Variants in PHTF2 observed in about 807,000 individuals in gnomAD.
The protein encoded by PHTF2 is putative homeodomain transcription factor 2, also known as protein PHTF2.
In PHTF2, 60 loss-of-function variants were observed where a neutral mutation model predicts 101.2. The observed-to-expected ratio is 0.59, with a 90% CI of 0.48 to 0.73. PHTF2 has a LOEUF of 0.73. PHTF2 is among the 30% of genes least tolerant of loss of function. The probability of loss-of-function intolerance (pLI) is 0.00; values close to 1 mark genes in which losing one functional copy is unlikely to be tolerated. For synonymous variants in PHTF2, 311 were observed against 307.3 expected (o/e 1.01, Z -0.13); for missense variants, 747 against 908.7 (o/e 0.82, Z 2.29).
intron 3 of PHTF2, among the ~76,000 whole-genome samples, chr7:77,887,578 G>C (rs1032390208): frequency 1.3e-5 from 2 of 152,112 alleles, no homozygotes; most frequent in African/African-American, 4.8e-5. Flanking sequence ...TTCCAGGAAT[G>C]GTGATGGTCA....
chr7:77,920,350 A>G (rs1803331567), exon 10 of PHTF2: 2 of 1,610,034 alleles, frequency 1.2e-6, no homozygotes, highest in Admixed American at 1.7e-5. Context: ...CTTGATGGGA[A>G]GAAGACTGTT....
In PHTF2 at chr7:77,910,372, T is replaced by G. The variant is rs933956162; in HGVS notation, c.739T>G (p.Phe247Val). 6 of 1,613,566 alleles carry G rather than the reference T, an allele frequency of 3.7e-6. No individual in the cohort carries two copies. Among genetic ancestry groups the G allele is most frequent in the Non-Finnish European group, 5.1e-6 (6 of 1,179,772 alleles). The change falls in exon 9 of 20, where the codon TTC becomes GTC. Residue 247 changes from phenylalanine (F) to valine (V), a missense_variant. Phe to Val is a conservative substitution (Grantham distance 50, BLOSUM62 -1). This residue lies in a region of PHTF2 where 349 missense variants were observed against 369.7 expected (regional missense o/e 0.94). Coordinates refer to ENST00000416283, the Ensembl canonical transcript of PHTF2. ...CACCTCTCACAGCGTTGGCACTGTC[T>G]TCAGAGATCTCTGGCATGCTGCTTT...
At chr7:77,914,178 A>G (rs1802684770) in intron 9 of PHTF2, among the ~76,000 whole-genome samples, 1 of 152,088 alleles carries the variant, frequency 6.6e-6, no homozygotes, top group African/African-American at 2.4e-5. Context: ...CTAGTGGGGG[A>G]AAATCACATA....
At position 77,836,138 on chromosome 7, in the gene PHTF2, AG is replaced by A. The variant is rs1161383048; in HGVS notation, c.-35-4082del. On this transcript the variant is annotated intron_variant, in intron 1 of 19. Transcript: ENST00000416283. ...CCATCTCAAAAAAAAAAAAAAAAAA[AG>A]AAGAGGAAGAAGAAGAGAAAATACA... Among the ~76,000 whole-genome samples, 9 of 151,248 alleles carry A rather than the reference AG, an allele frequency of 6.0e-5. No homozygotes were observed. The East Asian group carries it at 1.2e-3, about 20-fold the overall frequency.
intron 3 of PHTF2, among the ~76,000 whole-genome samples, chr7:77,877,751 G>A (rs1799067457): frequency 6.6e-6 from 1 of 152,206 alleles, no homozygotes; most frequent in East Asian, 1.9e-4. Context: ...GACATGGGAA[G>A]GAAAGGAAAC....
At chr7:77,926,064 C>A (rs983270543) in intron 11 of PHTF2, among the ~76,000 whole-genome samples, 23 of 150,878 alleles carry the variant, frequency 1.5e-4, no homozygotes, top group African/African-American at 4.6e-4. Context: ...AAAAAAAAAA[C>A]AAAAACAAAA....
At chr7:77,846,677 C>G (rs2150601111) in intron 2 of PHTF2, among the ~76,000 whole-genome samples, 1 of 149,638 alleles carries the variant, frequency 6.7e-6, no homozygotes, top group East Asian at 2.0e-4. Flanking sequence ...CTATCTCGCT[C>G]TGTCACTCAG....
intron 5 of PHTF2, 95 bp downstream of exon 4, chr7:77,894,088 C>A: frequency 1.1e-6 from 1 of 938,548 alleles, no homozygotes; most frequent in Non-Finnish European, 1.8e-6. Flanking sequence ...AACAGATTGA[C>A]TTGGACTCGA....
intron 5 of PHTF2, 23 bp downstream of exon 4, chr7:77,894,016 C>A (rs201307723): frequency 7.0e-6 from 11 of 1,562,514 alleles, no homozygotes; most frequent in Non-Finnish European, 8.8e-6. Context: ...GGATTTTTCC[C>A]GCCTGAGTGA....
At chr7:77,871,989 C>T (rs993858670) in intron 3 of PHTF2, among the ~76,000 whole-genome samples, 5 of 152,164 alleles carry the variant, frequency 3.3e-5, no homozygotes, top group East Asian at 1.9e-4. Context: ...CTGCCCTTTC[C>T]GTGATGGAAA....
intron 2 of PHTF2, among the ~76,000 whole-genome samples, chr7:77,846,691 G>T (rs1247222415): frequency 6.7e-6 from 1 of 149,146 alleles, no homozygotes; most frequent in African/African-American, 2.5e-5. Context: ...CACTCAGGCT[G>T]TTGTGCAGTG....
In PHTF2 at chr7:77,912,710, C is replaced by CTTTTTTTT. The variant is rs536966733; in HGVS notation, c.776+2333_776+2340dup. ...TCTCACTGCACACTGAGAGAACCAC[C>CTTTTTTTT]TTTTTTTTTTTTTTTTTTTTTTTTT... On this transcript the variant is annotated intron_variant, in intron 9 of 19. Coordinates refer to ENST00000416283, the Ensembl canonical transcript of PHTF2. Among the ~76,000 whole-genome samples, 7 of 80,466 alleles carry CTTTTTTTT rather than the reference C, an allele frequency of 8.7e-5. 3 individuals carry two copies. Among genetic ancestry groups the CTTTTTTTT allele is most frequent in the South Asian group, 4.0e-4 (1 of 2,478 alleles). 52.8% of individuals were successfully genotyped at this position (80,466 alleles called of 152,430 possible). A position where few individuals can be genotyped will look rare whatever the true frequency, so the allele number is the denominator to read the frequency against.
chr7:77,849,353 GCTGGT>G (rs1405289236), intron 2 of PHTF2, among the ~76,000 whole-genome samples: 133 of 151,870 alleles, frequency 8.8e-4, no homozygotes, highest in African/African-American at 3.1e-3. Context: ...AGTTGGCCAG[GCTGGT>G]CTTGAACTGA....
intron 3 of PHTF2, among the ~76,000 whole-genome samples, chr7:77,855,889 G>A (rs577453131): frequency 6.6e-6 from 1 of 152,302 alleles, no homozygotes; most frequent in East Asian, 1.9e-4. Flanking sequence ...ATTCAAGACT[G>A]TCTTTCCTAC....
rs10687152 is a variant in PHTF2 at position 77,897,293 on chromosome 7, ATTTTTT to A, written c.216+3313_216+3318del. Among the ~76,000 whole-genome samples the A allele has an allele frequency of 1.6e-4, 22 of 133,678 alleles. No individual in the cohort carries two copies. The South Asian group carries it at 3.1e-3, about 19-fold the overall frequency. 87.7% of individuals were successfully genotyped at this position (133,678 alleles called of 152,430 possible). A position where few individuals can be genotyped will look rare whatever the true frequency, so the allele number is the denominator to read the frequency against. On this transcript the variant is annotated intron_variant, in intron 5 of 19. Transcript: ENST00000416283. ...TTTCTAAACTTAAACAGCCCATTTC[ATTTTTT>A]TTTTTTTTTTTTGGCCCAACATTAT...
At chr7:77,852,072 C>A (rs1796809603) in intron 2 of PHTF2, among the ~76,000 whole-genome samples, 1 of 152,160 alleles carries the variant, frequency 6.6e-6, no homozygotes, top group Admixed American at 6.5e-5. Flanking sequence ...GTTGCCCAGG[C>A]TGCAGTGCAG....
At chr7:77,908,382 C>T (rs981753302) in intron 7 of PHTF2, among the ~76,000 whole-genome samples, 1 of 152,132 alleles carries the variant, frequency 6.6e-6, no homozygotes, top group Non-Finnish European at 1.5e-5. Context: ...AGATAGACCT[C>T]TATTAATAAG....
intron 2 of PHTF2, among the ~76,000 whole-genome samples, chr7:77,841,937 T>A (rs1292055137): frequency 6.6e-6 from 1 of 152,196 alleles, no homozygotes. Flanking sequence ...TCTGTTTGGC[T>A]TTTTACATTA....
intron 3 of PHTF2, among the ~76,000 whole-genome samples, chr7:77,861,106 C>A (rs867975779): frequency 3.3e-5 from 5 of 152,028 alleles, no homozygotes; most frequent in South Asian, 2.1e-4. Context: ...TATGTACTTA[C>A]ATTTAATTGC....
Sources: gnomAD v4.1 joint callset for allele counts (sites outside exome capture counted in the v4.1 genomes callset) on GRCh38, gnomAD v4.1.1 for gene constraint, gnomAD v4.1.1 regional missense constraint, MANE v1.5 for transcripts, NCBI Gene and HGNC (gene_info 2026-07-23, HGNC 2026-07-21) for gene names.